Variants in FAM149A observed in about 807,000 individuals in gnomAD.
FAM149A encodes the protein protein FAM149A.
Under a neutral mutation model 78.2 loss-of-function variants are expected in FAM149A, and 71 were observed. The ratio of observed to expected loss-of-function variants is 0.91; its 90% confidence interval spans 0.75 to 1.11. The LOEUF (loss-of-function observed/expected upper bound fraction) is 1.11, where lower values mean the gene tolerates loss of function less well. FAM149A is among the 50% of genes least tolerant of loss of function. FAM149A has a pLI of 0.00. For synonymous variants in FAM149A, 446 were observed against 410.5 expected (o/e 1.09, Z -1.04); for missense variants, 1,036 against 971.0 (o/e 1.07, Z -0.89).
chr4:186,131,888 A>G, intron 1 of FAM149A: 1 of 985,360 alleles, frequency 1.0e-6, no homozygotes, highest in Non-Finnish European at 1.2e-6. Context: ...CAGACCATTT[A>G]CTGGAAGGTT....
At chr4:186,152,162 T>C (rs1733633650) in intron 4 of FAM149A, 117 bp downstream of exon 4, 5 of 931,176 alleles carry the variant, frequency 5.4e-6, no homozygotes, top group Non-Finnish European at 8.4e-6. Context: ...AGAATATGGA[T>C]GCAGAGCGCA....
In FAM149A at chr4:186,142,364, G is replaced by C. The variant is rs114774289; in HGVS notation, c.567-6809G>C. The stretch of plus-strand genomic sequence containing the variant: ...CAAGCAGAAGCCTCATCTGTACGCG[G>C]ACATGCTTTAGATGATGAGACTTCT... On this transcript the variant is annotated intron_variant, in intron 1 of 13. Transcript: ENST00000389354. Among the ~76,000 whole-genome samples, 312 of 152,280 alleles carry C rather than the reference G, an allele frequency of 2.0e-3. 1 individual carries two copies. Among genetic ancestry groups the C allele is most frequent in the African/African-American group, 5.4e-3 (226 of 41,550 alleles).
At chr4:186,113,950 G>C (rs1189760478) in intron 1 of FAM149A, among the ~76,000 whole-genome samples, 1 of 151,562 alleles carries the variant, frequency 6.6e-6, no homozygotes, top group Non-Finnish European at 1.5e-5. Flanking sequence ...GGGTATCCTT[G>C]TTGACTTTCT....
chr4:186,169,992 T>G (rs1579943856), intron 13 of FAM149A: 4 of 944,164 alleles, frequency 4.2e-6, no homozygotes, highest in East Asian at 2.3e-4. Context: ...AACCATTTTT[T>G]TAATGCTTCA....
At chr4:186,118,042 G>C (rs1323292247) in intron 1 of FAM149A, 4 of 985,260 alleles carry the variant, frequency 4.1e-6, no homozygotes, top group Non-Finnish European at 3.6e-6. Context: ...TTGAGGTCTA[G>C]GGAAACATCT....
chr4:186,141,092 T>C (rs1365955661), intron 1 of FAM149A, among the ~76,000 whole-genome samples: 2 of 152,240 alleles, frequency 1.3e-5, no homozygotes, highest in African/African-American at 4.8e-5. Context: ...TCTCTAATGG[T>C]AAGTGATGTT....
chr4:186,157,832 G>A (rs1167236067), intron 8 of FAM149A, 113 bp downstream of exon 8: 2 of 1,553,556 alleles, frequency 1.3e-6, no homozygotes, highest in African/African-American at 2.7e-5. Context: ...TTTCCACGCT[G>A]CCCGCAGAGG....
intron 8 of FAM149A, among the ~76,000 whole-genome samples, chr4:186,159,337 T>C (rs1173471597): frequency 1.3e-5 from 2 of 151,980 alleles, no homozygotes; most frequent in Admixed American, 6.5e-5. Flanking sequence ...GTCTTTTACA[T>C]TGAAGGTAAA....
intron 1 of FAM149A, chr4:186,127,487 G>A (rs1027961375): frequency 1.4e-5 from 14 of 985,422 alleles, no homozygotes; most frequent in East Asian, 1.1e-4. Context: ...CACAGCTGGA[G>A]TGTGGGTACC....
At chr4:186,145,186 G>T in intron 1 of FAM149A, 2 of 978,556 alleles carry the variant, frequency 2.0e-6, no homozygotes, top group Non-Finnish European at 2.4e-6. Context: ...CTCCGCCCGC[G>T]GGCCGGCTGC....
chr4:186,156,047 GGC>G lies in FAM149A; in HGVS notation c.1280_1281del (p.Arg427GlnfsTer11), dbSNP rs1734012362. 1.2e-6 allele frequency: 2 copies of G among 1,613,796 alleles called. No homozygotes were observed. The highest frequency in any genetic ancestry group is 2.7e-5 in the African/African-American group (2 of 74,908). On this transcript the variant is annotated frameshift_variant, in exon 7 of 14. Coordinates refer to ENST00000389354, the MANE Select transcript of FAM149A (RefSeq NM_001367768.3). LOFTEE classifies it high-confidence loss of function. ...AAACCAGCTCAGCCCGGTAGGAAAT[GGC>G]GCAAACTCGGACTTCCTCCTGTTTC...
rs1362722420 is a variant in FAM149A at position 186,113,310 on chromosome 4, G to T, written c.566+7668G>T. On this transcript the variant is annotated intron_variant, in intron 1 of 13. Transcript: ENST00000389354. Reference sequence around the variant, plus strand: ...TCTTTTTTTATTAGTCTTGCTAGGGGTCTATCAATTTTGTTGATCCTTTCA... The same window carrying T: ...TCTTTTTTTATTAGTCTTGCTAGGGTTCTATCAATTTTGTTGATCCTTTCA... 8.6e-3 allele frequency among the ~76,000 whole-genome samples: 1,084 copies of T among 125,432 alleles called. 5 individuals carry two copies. Among genetic ancestry groups the T allele is most frequent in the Non-Finnish European group, 0.015 (876 of 60,270 alleles). The allele number at this position is 125,432 out of a possible 152,430, so 82.3% of individuals were successfully genotyped here.
chr4:186,135,759 A>T (rs2099322423), intron 1 of FAM149A, among the ~76,000 whole-genome samples: 1 of 152,332 alleles, frequency 6.6e-6, no homozygotes, highest in Non-Finnish European at 1.5e-5. Context: ...ACACAGCCAG[A>T]TCACCCACAA....
At chr4:186,160,597 C>T (rs549991257) in intron 8 of FAM149A, among the ~76,000 whole-genome samples, 1 of 147,538 alleles carries the variant, frequency 6.8e-6, no homozygotes, top group African/African-American at 2.6e-5. Flanking sequence ...ACACACCACA[C>T]ACATACACCA....
chr4:186,130,293 C>CTCTCTCTATA, intron 1 of FAM149A: 81 of 46,564 alleles, frequency 1.7e-3, no homozygotes, highest in African/African-American at 4.4e-3. Context: ...CTCTCTCTCT[C>CTCTCTCTATA]TATATATATA....
intron 1 of FAM149A, among the ~76,000 whole-genome samples, chr4:186,128,328 T>C (rs1478155079): frequency 6.6e-6 from 1 of 152,030 alleles, no homozygotes; most frequent in Admixed American, 6.6e-5. Flanking sequence ...ATAAAATTAG[T>C]CCTACATTTT....
chr4:186,163,491 G>C lies in FAM149A; in HGVS notation c.1747G>C (p.Gly583Arg), dbSNP rs1378041150. Residue 583 changes from glycine (G) to arginine (R), a missense_variant, in exon 10 of 14, where the codon GGA becomes CGA. Physicochemically the swap from Gly to Arg is moderately radical, Grantham distance 125. Around this residue, in one of 3 missense-constraint regions of FAM149A, gnomAD observed 716 missense variants for 711.8 expected, o/e 1.01. Transcript: ENST00000389354. The stretch of plus-strand genomic sequence containing the variant: ...TCTCTCCTCCGCACCGCACAGACTG[G>C]GACGGGCCTCAGACACTCATGGATT... The C allele has an allele frequency of 1.5e-5, 24 of 1,614,012 alleles. No individual in the cohort carries two copies. The highest frequency in any genetic ancestry group is 1.9e-5 in the Non-Finnish European group (22 of 1,180,036).
intron 1 of FAM149A, among the ~76,000 whole-genome samples, chr4:186,120,482 C>T (rs974997418): frequency 3.3e-5 from 5 of 152,066 alleles, no homozygotes; most frequent in Non-Finnish European, 7.4e-5. Context: ...TATACTCTTT[C>T]CAATAAAAAT....
intron 3 of FAM149A, among the ~76,000 whole-genome samples, chr4:186,150,525 T>C (rs1428942156): frequency 1.5e-5 from 2 of 131,230 alleles, no homozygotes; most frequent in African/African-American, 5.7e-5. Context: ...GTTCACGCCA[T>C]TCTCCTGCCT....
Sources: gnomAD v4.1 joint callset for allele counts (sites outside exome capture counted in the v4.1 genomes callset) on GRCh38, gnomAD v4.1.1 for gene constraint, gnomAD v4.1.1 regional missense constraint, MANE v1.5 for transcripts, NCBI Gene and HGNC (gene_info 2026-07-23, HGNC 2026-07-21) for gene names.